Variants in UNC5C observed in about 807,000 individuals in gnomAD.
The protein encoded by UNC5C is netrin receptor UNC5C.
In UNC5C, 47 loss-of-function variants were observed where a neutral mutation model predicts 99.8. That is an observed-to-expected ratio of 0.47 (90% CI 0.37 to 0.60). The LOEUF (loss-of-function observed/expected upper bound fraction) is 0.60. UNC5C is among the 20% of genes least tolerant of loss of function. UNC5C has a pLI of 0.00. For missense variants in UNC5C, 1,062 were observed against 1,165.9 expected (o/e 0.91, Z 1.30); for synonymous variants, 487 against 452.2 (o/e 1.08, Z -0.98).
chr4:95,301,417 G>A (rs1490601273), intron 3 of UNC5C, among the ~76,000 whole-genome samples, 189 bp downstream of exon 3: 3 of 151,978 alleles, frequency 2.0e-5, no homozygotes, highest in African/African-American at 7.3e-5. Flanking sequence ...GGATGGTCTC[G>A]ATCTCCTGAC....
At chr4:95,541,736 C>G (rs1182513416) in intron 1 of UNC5C, among the ~76,000 whole-genome samples, 1 of 151,852 alleles carries the variant, frequency 6.6e-6, no homozygotes, top group Non-Finnish European at 1.5e-5. Context: ...TACAACTGGA[C>G]TGTAGATGCA....
In UNC5C at chr4:95,462,142, G is replaced by A. The variant is rs192837817; in HGVS notation, c.124+86592C>T. On this transcript the variant is annotated intron_variant, in intron 1 of 15. Transcript: ENST00000453304. Reference sequence around the variant, plus strand: ...CCATTGCTGTTTTTTAACCATTACCGCATGGGCAAAACATTTCCTCAATGC... The same window carrying A: ...CCATTGCTGTTTTTTAACCATTACCACATGGGCAAAACATTTCCTCAATGC... 2.0e-4 allele frequency among the ~76,000 whole-genome samples: 31 copies of A among 151,816 alleles called. 1 individual carries two copies. In the East Asian group the frequency reaches 5.6e-3, roughly 28 times the overall value.
intron 5 of UNC5C, among the ~76,000 whole-genome samples, chr4:95,249,158 G>A (rs765448396): frequency 1.3e-5 from 2 of 152,190 alleles, no homozygotes; most frequent in East Asian, 1.9e-4. Flanking sequence ...TCTATCCTAT[G>A]TGTGCAGTAG....
At chr4:95,186,107 A>T (rs1043003386) in intron 12 of UNC5C, among the ~76,000 whole-genome samples, 1 of 151,940 alleles carries the variant, frequency 6.6e-6, no homozygotes, top group Non-Finnish European at 1.5e-5. Flanking sequence ...TGAACAAACT[A>T]TCTTGGGTCT....
At chr4:95,481,515 A>C (rs1227785221) in intron 1 of UNC5C, among the ~76,000 whole-genome samples, 2 of 151,990 alleles carry the variant, frequency 1.3e-5, no homozygotes, top group Non-Finnish European at 2.9e-5. Context: ...ACTACTTTAA[A>C]GTTCATATGG....
At chr4:95,203,813 G>GTT (rs1385741183) in intron 11 of UNC5C, among the ~76,000 whole-genome samples, 1 of 152,158 alleles carries the variant, frequency 6.6e-6, no homozygotes, top group Non-Finnish European at 1.5e-5. Context: ...TTGTGTGTGT[G>GTT]TGTGTATGTG....
intron 2 of UNC5C, among the ~76,000 whole-genome samples, chr4:95,329,239 A>G (rs982112577): frequency 1.3e-5 from 2 of 152,204 alleles, no homozygotes; most frequent in Non-Finnish European, 2.9e-5. Flanking sequence ...GCAGTGAGCT[A>G]TGATCATGCC....
chr4:95,169,489 T>C lies in UNC5C; in HGVS notation c.2631-90A>G, dbSNP rs1250276285. ...AACCTTTCTGTCTCTCTACTTGTCTTTAAGTTTCCTGGTCCCATTGTGGCT... is the reference window on the plus strand; with the variant it reads ...AACCTTTCTGTCTCTCTACTTGTCTCTAAGTTTCCTGGTCCCATTGTGGCT... On this transcript the variant is annotated intron_variant, in intron 15 of 15. Transcript: ENST00000453304. The C allele has an allele frequency of 2.1e-6, 3 of 1,443,794 alleles. No homozygotes were observed. The African/African-American group carries it at 4.2e-5, about 20-fold the overall frequency. 89.4% of individuals were successfully genotyped at this position (1,443,794 alleles called of 1,614,324 possible).
chr4:95,370,885 G>A (rs1443099362), intron 1 of UNC5C, among the ~76,000 whole-genome samples: 1 of 152,166 alleles, frequency 6.6e-6, no homozygotes, highest in African/African-American at 2.4e-5. Context: ...GTTCAAAGTG[G>A]TCATTCGTTT....
chr4:95,234,333 T>C (rs1233988122), intron 7 of UNC5C, among the ~76,000 whole-genome samples: 1 of 152,130 alleles, frequency 6.6e-6, no homozygotes, highest in African/African-American at 2.4e-5. Flanking sequence ...AGATCAGACA[T>C]ATATTTTCAA....
At chr4:95,500,424 C>T (rs1721748540) in intron 1 of UNC5C, among the ~76,000 whole-genome samples, 1 of 152,098 alleles carries the variant, frequency 6.6e-6, no homozygotes, top group South Asian at 2.1e-4. Flanking sequence ...CTAAAAAAAA[C>T]AAGCTAGTTA....
chr4:95,461,195 A>G (rs1345637811), intron 1 of UNC5C, among the ~76,000 whole-genome samples: 1 of 152,200 alleles, frequency 6.6e-6, no homozygotes, highest in South Asian at 2.1e-4. Context: ...AATGCAAAGT[A>G]TCTTTTTCCT....
At chr4:95,400,386 T>C (rs968940834) in intron 1 of UNC5C, among the ~76,000 whole-genome samples, 2 of 100,644 alleles carry the variant, frequency 2.0e-5, no homozygotes, top group Non-Finnish European at 3.6e-5. Flanking sequence ...GATGAATTCT[T>C]TTTTTTTTTT....
intron 5 of UNC5C, among the ~76,000 whole-genome samples, chr4:95,246,626 T>A: frequency 6.6e-6 from 1 of 151,908 alleles, no homozygotes; most frequent in African/African-American, 2.4e-5. Flanking sequence ...ATGGATACAT[T>A]ATGCATAATG....
At chr4:95,248,841 A>G (rs552567021) in intron 5 of UNC5C, among the ~76,000 whole-genome samples, 2 of 152,104 alleles carry the variant, frequency 1.3e-5, no homozygotes, top group Non-Finnish European at 2.9e-5. Flanking sequence ...TTTTTCTACA[A>G]ATGTGCTATA....
chr4:95,311,460 A>G (rs1352656441), intron 2 of UNC5C, among the ~76,000 whole-genome samples: 1 of 152,206 alleles, frequency 6.6e-6, no homozygotes, highest in Non-Finnish European at 1.5e-5. Flanking sequence ...TTCTTGGAAA[A>G]TATAATTCCT....
intron 1 of UNC5C, among the ~76,000 whole-genome samples, chr4:95,459,064 GA>G (rs935062960): frequency 6.6e-6 from 1 of 151,920 alleles, no homozygotes; most frequent in African/African-American, 2.4e-5. Flanking sequence ...ATCCTTTTAG[GA>G]ATTTTCCTGG....
rs531764128 is a variant in UNC5C, at chr4:95,242,728, A to C, written c.944-135T>G. On this transcript the variant is annotated intron_variant, in intron 6 of 15. Transcript: ENST00000453304. ...ACTGAGAAGCACTGTATTCATTTCA[A>C]TTGCTGGGAACTGCATGTTCTACAT... 3.0e-6 allele frequency: 3 copies of C among 999,514 alleles called. No homozygotes were observed. In the Admixed American group the frequency reaches 1.1e-4, roughly 35 times the overall value. 61.9% of individuals were successfully genotyped at this position (999,514 alleles called of 1,614,324 possible).
chr4:95,275,173 G>T (rs1740813362), intron 4 of UNC5C, among the ~76,000 whole-genome samples: 1 of 152,132 alleles, frequency 6.6e-6, no homozygotes, highest in African/African-American at 2.4e-5. Context: ...TTCATTTGTA[G>T]CGTGTGTGGA....
Sources: gnomAD v4.1 joint callset for allele counts (sites outside exome capture counted in the v4.1 genomes callset) on GRCh38, gnomAD v4.1.1 for gene constraint, MANE v1.5 for transcripts, NCBI Gene and HGNC (gene_info 2026-07-23, HGNC 2026-07-21) for gene names.